The following MTHFD2L variants were observed in gnomAD, a reference collection of about 807,000 sequenced individuals.
MTHFD2L encodes the protein methylenetetrahydrofolate dehydrogenase (NADP+ dependent) 2 like, also known as bifunctional methylenetetrahydrofolate dehydrogenase/cyclohydrolase 2, mitochondrial.
A neutral mutation model predicts 34.9 loss-of-function variants in MTHFD2L; 29 were observed. The observed-to-expected ratio is 0.83, with a 90% confidence interval of 0.62 to 1.13. The LOEUF (loss-of-function observed/expected upper bound fraction) is 1.13, where lower values mean the gene tolerates loss of function less well. Among genes scored for constraint, MTHFD2L ranks in the 50% most tolerant of loss-of-function variants. The pLI is 0.00. For synonymous variants in MTHFD2L, 167 were observed against 155.7 expected (o/e 1.07, Z -0.54); for missense variants, 481 against 446.5 (o/e 1.08, Z -0.70).
At chr4:74,169,388 G>A (rs1386929854) in intron 1 of MTHFD2L, among the ~76,000 whole-genome samples, 1 of 152,218 alleles carries the variant, frequency 6.6e-6, no homozygotes, top group Non-Finnish European at 1.5e-5. Flanking sequence ...TATACTCAGT[G>A]ATTGCCAGCT....
chr4:74,208,856 C>G (rs1735804214), intron 5 of MTHFD2L, among the ~76,000 whole-genome samples: 1 of 152,148 alleles, frequency 6.6e-6, no homozygotes, highest in African/African-American at 2.4e-5. Context: ...AGAAGTACAT[C>G]TAACTGCCAT....
intron 3 of MTHFD2L, among the ~76,000 whole-genome samples, chr4:74,186,866 A>G (rs1157369641): frequency 1.3e-5 from 2 of 152,154 alleles, no homozygotes; most frequent in Admixed American, 1.3e-4. Context: ...AATTTTGAAA[A>G]TGAGTAACAT....
intron 1 of MTHFD2L, among the ~76,000 whole-genome samples, chr4:74,129,485 G>A (rs947119270): frequency 5.9e-4 from 90 of 151,576 alleles, no homozygotes; most frequent in African/African-American, 1.9e-3. Flanking sequence ...ATCTGCTCCC[G>A]GATAACTAAA....
intron 5 of MTHFD2L, among the ~76,000 whole-genome samples, chr4:74,202,996 A>G (rs1159382014): frequency 2.0e-5 from 3 of 152,184 alleles, no homozygotes; most frequent in South Asian, 2.1e-4. Context: ...CTTGATTGAC[A>G]TGATACTTAT....
At chr4:74,138,234 C>T (rs1425582793) in intron 1 of MTHFD2L, among the ~76,000 whole-genome samples, 1 of 152,032 alleles carries the variant, frequency 6.6e-6, no homozygotes, top group Non-Finnish European at 1.5e-5. Context: ...TATTTCTTTT[C>T]GATGTACATC....
rs374366287 is a variant in MTHFD2L at position 74,150,960 on chromosome 4, A to G, written c.-296-9095A>G. Among the ~76,000 whole-genome samples, 26 of 152,184 alleles carry G rather than the reference A, an allele frequency of 1.7e-4. No individual in the cohort carries two copies. The East Asian group carries it at 1.9e-3, about 11-fold the overall frequency. On this transcript the variant is annotated intron_variant, in intron 1 of 7. Transcript: ENST00000433372. The stretch of plus-strand genomic sequence containing the variant: ...CTGTAATAATCATTATCCCATATTC[A>G]CTGATGAAATAATGCTATAATATGT...
upstream of MTHFD2L, among the ~76,000 whole-genome samples, chr4:74,154,836 A>C (rs1724146061): frequency 6.6e-6 from 1 of 152,152 alleles, no homozygotes; most frequent in African/African-American, 2.4e-5. Flanking sequence ...AAAGCAAATA[A>C]ATATATGTAT....
At position 74,274,734 on chromosome 4, in the gene MTHFD2L, C is replaced by T. The variant is rs142067493; in HGVS notation, c.806-6691C>T. ...ACCAGCCTGTGAGATTGATTCTGAG[C>T]ATCTCTTCCCCAATCCATGTTCAGT... On this transcript the variant is annotated intron_variant, in intron 6 of 7. Coordinates refer to ENST00000325278, the MANE Select transcript of MTHFD2L (RefSeq NM_001144978.3). 4.5e-3 allele frequency among the ~76,000 whole-genome samples: 691 copies of T among 152,248 alleles called. 6 individuals carry two copies. Among genetic ancestry groups the T allele is most frequent in the South Asian group, 0.042 (204 of 4,826 alleles).
intron 1 of MTHFD2L, among the ~76,000 whole-genome samples, chr4:74,139,115 T>A (rs1238067797): frequency 1.3e-5 from 2 of 152,190 alleles, no homozygotes; most frequent in African/African-American, 4.8e-5. Flanking sequence ...GCATAGACAG[T>A]CTTTGTAATT....
chr4:74,153,239 T>G (rs544138561), upstream of MTHFD2L, among the ~76,000 whole-genome samples: 16 of 152,360 alleles, frequency 1.1e-4, no homozygotes, highest in African/African-American at 3.8e-4. Context: ...ACTGTTCACA[T>G]TCTGATAATC....
intron 6 of MTHFD2L, among the ~76,000 whole-genome samples, chr4:74,225,689 G>C (rs1174704828): frequency 6.6e-6 from 1 of 152,142 alleles, no homozygotes; most frequent in Non-Finnish European, 1.5e-5. Flanking sequence ...TACGGAAAAA[G>C]GTTGGTGCAG....
At chr4:74,126,644 A>T (rs1188502816) in intron 1 of MTHFD2L, among the ~76,000 whole-genome samples, 1 of 152,156 alleles carries the variant, frequency 6.6e-6, no homozygotes, top group Non-Finnish European at 1.5e-5. Flanking sequence ...TCAGGGAATG[A>T]ATATGTAAGA....
chr4:74,163,685 C>T (rs1270450792), intron 1 of MTHFD2L, among the ~76,000 whole-genome samples: 1 of 152,152 alleles, frequency 6.6e-6, no homozygotes, highest in Non-Finnish European at 1.5e-5. Flanking sequence ...AAAAGACTCC[C>T]TATACTGGTG....
chr4:74,158,989 CCT>C (rs1724817782), intron 1 of MTHFD2L, among the ~76,000 whole-genome samples: 1 of 152,158 alleles, frequency 6.6e-6, no homozygotes, highest in African/African-American at 2.4e-5. Context: ...TCCAGAAGAG[CCT>C]CTGTTTTCAG....
chr4:74,207,153 A>G (rs1578466828), intron 5 of MTHFD2L, among the ~76,000 whole-genome samples: 1 of 151,866 alleles, frequency 6.6e-6, no homozygotes, highest in African/African-American at 2.4e-5. Flanking sequence ...GCCTGCCTCC[A>G]CCTCTCAAAA....
rs552340457 is a variant in MTHFD2L, at chr4:74,147,020, A to T, written c.-296-13035A>T. On this transcript the variant is annotated intron_variant, in intron 1 of 7. Transcript: ENST00000433372. ...TCTCTTTGTTAATTTTCTTTAATAC[A>T]TTTCTGAATTGCTTTTCTGTGCTAT... Among the ~76,000 whole-genome samples the T allele has an allele frequency of 3.2e-4, 49 of 152,146 alleles. No individual in the cohort carries two copies. In the South Asian group the frequency reaches 1.0e-2, roughly 31 times the overall value.
intron 3 of MTHFD2L, among the ~76,000 whole-genome samples, chr4:74,179,957 C>T (rs912286578): frequency 6.6e-6 from 1 of 151,984 alleles, no homozygotes; most frequent in African/African-American, 2.4e-5. Flanking sequence ...TTGCTGTTAC[C>T]TAAGTCATAC....
intron 1 of MTHFD2L, among the ~76,000 whole-genome samples, chr4:74,163,941 T>G (rs1310455345): frequency 6.6e-6 from 1 of 152,216 alleles, no homozygotes; most frequent in African/African-American, 2.4e-5. Flanking sequence ...AATAGCACGA[T>G]CTTGGCTCAC....
intron 6 of MTHFD2L, chr4:74,267,673 G>T: frequency 4.1e-6 from 4 of 976,550 alleles, no homozygotes; most frequent in Non-Finnish European, 4.9e-6. Context: ...GGGCTCTGGC[G>T]ATCCTCCCAC....
Sources: gnomAD v4.1 joint callset for allele counts (sites outside exome capture counted in the v4.1 genomes callset) on GRCh38, gnomAD v4.1.1 for gene constraint, MANE v1.5 for transcripts, NCBI Gene and HGNC (gene_info 2026-07-23, HGNC 2026-07-21) for gene names.